KIAA1549L: variants seen among roughly 807,000 people sequenced by gnomAD.
KIAA1549L encodes KIAA1549 like, also known as UPF0606 protein KIAA1549L.
Under a neutral mutation model 160.7 loss-of-function variants are expected in KIAA1549L, and 88 were observed. The ratio of observed to expected loss-of-function variants is 0.55; its 90% CI spans 0.46 to 0.65. The LOEUF is 0.65. KIAA1549L is among the 30% of genes least tolerant of loss of function. The pLI is 0.00. For synonymous variants in KIAA1549L, 950 were observed against 976.7 expected, an observed-to-expected ratio of 0.97 and a Z score of 0.51; for missense variants, 2,258 against 2,437.5, an observed-to-expected ratio of 0.93 and a Z score of 1.55.
At chr11:33,630,505 G>T (rs895280246) in intron 16 of KIAA1549L, among the ~76,000 whole-genome samples, 1 of 152,238 alleles carries the variant, frequency 6.6e-6, no homozygotes, top group Admixed American at 6.5e-5. Context: ...TAAGCCTGTC[G>T]GAAAAGCGCA....
Position 33,668,142 on chromosome 11 carries a change from G to A in KIAA1549L, c.6429G>A (p.Glu2143=), listed in dbSNP as rs1222902380. Residue 2143 remains glutamate, a synonymous_variant, in exon 21 of 21, where the codon GAG becomes GAA. Transcript: ENST00000658780. ...KLAKKQTDMF[E]FQV Reference sequence around the variant, plus strand: ...CCAAAAAACAGACAGACATGTTTGAGTTCCAGGTCTAACGCCTTAGCCCCG... The same window carrying A: ...CCAAAAAACAGACAGACATGTTTGAATTCCAGGTCTAACGCCTTAGCCCCG... 1.2e-6 allele frequency: 2 copies of A among 1,613,400 alleles called. No homozygotes were observed. Among genetic ancestry groups the A allele is most frequent in the South Asian group, 2.2e-5 (2 of 90,858 alleles).
intron 1 of KIAA1549L, among the ~76,000 whole-genome samples, chr11:33,464,235 C>T (rs906947666): frequency 3.3e-5 from 5 of 152,194 alleles, no homozygotes; most frequent in African/African-American, 9.7e-5. Flanking sequence ...CCAAAGTCCT[C>T]GTTCTATGTC....
chr11:33,435,822 ATATATATATGTATATG>A (rs1851363093), intron 1 of KIAA1549L, among the ~76,000 whole-genome samples: 1 of 59,356 alleles, frequency 1.7e-5, no homozygotes, highest in African/African-American at 9.0e-5. Flanking sequence ...GTGTGTGTAT[ATATATATATGTATATG>A]TATATGTGTG....
chr11:33,530,675 A>G (rs943806628), intron 1 of KIAA1549L, among the ~76,000 whole-genome samples: 11 of 151,718 alleles, frequency 7.3e-5, no homozygotes, highest in Middle Eastern at 3.4e-3. Context: ...CAAACAAGTG[A>G]CCTTCTGTGT....
chr11:33,571,802 G>T (rs1448578451), intron 9 of KIAA1549L, among the ~76,000 whole-genome samples: 1 of 152,060 alleles, frequency 6.6e-6, no homozygotes, highest in East Asian at 1.9e-4. Flanking sequence ...ACTATATCAT[G>T]ATCTTATCAA....
intron 1 of KIAA1549L, among the ~76,000 whole-genome samples, chr11:33,383,893 A>C (rs1017102800): frequency 6.6e-6 from 1 of 152,246 alleles, no homozygotes; most frequent in African/African-American, 2.4e-5. Context: ...CAATTAGTTC[A>C]GATTTCTAAA....
intron 1 of KIAA1549L, among the ~76,000 whole-genome samples, chr11:33,413,950 A>T (rs1183542901): frequency 6.6e-6 from 1 of 152,186 alleles, no homozygotes; most frequent in Non-Finnish European, 1.5e-5. Context: ...CAGGGATCTG[A>T]CAAAGGATTT....
intron 12 of KIAA1549L, 112 bp downstream of exon 12, chr11:33,591,533 A>T (rs1407515327): frequency 6.0e-6 from 5 of 831,562 alleles, no homozygotes; most frequent in Non-Finnish European, 9.4e-6. Flanking sequence ...ATTCCCCTTC[A>T]TGCTCATTTT....
intron 1 of KIAA1549L, among the ~76,000 whole-genome samples, chr11:33,485,540 A>G (rs530720484): frequency 1.3e-5 from 2 of 152,278 alleles, no homozygotes; most frequent in African/African-American, 2.4e-5. Context: ...AACCTGTTAT[A>G]TATTTATGGT....
chr11:33,601,069 T>A (rs937419304), intron 13 of KIAA1549L, among the ~76,000 whole-genome samples: 3 of 152,138 alleles, frequency 2.0e-5, no homozygotes, highest in African/African-American at 7.2e-5. Flanking sequence ...AATATAAGGC[T>A]TAGAAATAAA....
rs1564954155 is a variant in KIAA1549L at position 33,670,939 on chromosome 11, T to G, written c.*2785T>G. The G allele has an allele frequency of 6.6e-6, 1 of 152,212 alleles. No individual in the cohort carries two copies. The highest frequency in any genetic ancestry group is 1.5e-5 in the Non-Finnish European group (1 of 68,040). 9.4% of individuals were successfully genotyped at this position (152,212 alleles called of 1,614,324 possible). The stretch of plus-strand genomic sequence containing the variant: ...CCTGCTTGCTTTCCATCTCGCCATG[T>G]GGCCTGCAGGCTTGTCAGTAACACA... On this transcript the variant is annotated 3_prime_UTR_variant, in exon 21 of 21. Transcript: ENST00000658780.
At chr11:33,559,935 G>T (rs760407126) in intron 7 of KIAA1549L, 24 bp downstream of exon 7, 7 of 1,607,598 alleles carry the variant, frequency 4.4e-6, no homozygotes, top group African/African-American at 1.3e-5. Context: ...TGCCTATGGG[G>T]ACCCCAGTGT....
intron 1 of KIAA1549L, among the ~76,000 whole-genome samples, chr11:33,433,854 C>A (rs1851301628): frequency 6.6e-6 from 1 of 152,076 alleles, no homozygotes; most frequent in African/African-American, 2.4e-5. Context: ...AACCAAACAC[C>A]ACATGTTCTC....
In KIAA1549L at chr11:33,397,710, TCACACACACACACA is replaced by T. The variant is rs71034679; in HGVS notation, c.238+20854_238+20867del. ...CTGGGCGACAGAGCGAGACTCCATC[TCACACACACACACA>T]CACACACACACACACACACACACAC... On this transcript the variant is annotated intron_variant, in intron 1 of 20. Coordinates refer to ENST00000658780, the MANE Select transcript of KIAA1549L (RefSeq NM_012194.3). Among the ~76,000 whole-genome samples the T allele has an allele frequency of 7.1e-3, 1,010 of 143,016 alleles. 10 individuals are homozygous for T. Among genetic ancestry groups the T allele is most frequent in the African/African-American group, 0.017 (644 of 38,000 alleles). 93.8% of individuals were successfully genotyped at this position (143,016 alleles called of 152,430 possible). A position where few individuals can be genotyped will look rare whatever the true frequency, so the allele number is the denominator to read the frequency against.
chr11:33,568,127 C>A lies in KIAA1549L; in HGVS notation c.4130C>A (p.Ala1377Asp), dbSNP rs1164923432. Residue 1377 changes from alanine to aspartate, a missense_variant, in exon 9 of 21, where the codon GCC (alanine) becomes GAC (aspartate). By Grantham distance (126) the Ala-to-Asp change is moderately radical (BLOSUM62 -2). Coordinates refer to ENST00000658780, the MANE Select transcript of KIAA1549L (RefSeq NM_012194.3). ...SLVGLHNQSF[A>D]RVMEQRLAQL... The stretch of plus-strand genomic sequence containing the variant: ...GTGGGCCTGCACAACCAGAGCTTTG[C>A]CCGGGTCATGGAGCAGCGCCTGGCC... The A allele has an allele frequency of 5.6e-6, 9 of 1,612,722 alleles. No homozygotes were observed. In the Admixed American group the frequency reaches 1.5e-4, roughly 27 times the overall value.
intron 1 of KIAA1549L, among the ~76,000 whole-genome samples, chr11:33,435,818 G>GTGTGTGTGTGTGTGTA (rs1554976830): frequency 2.2e-4 from 10 of 45,318 alleles, no homozygotes; most frequent in African/African-American, 2.6e-4. Context: ...ATATGTGTGT[G>GTGTGTGTGTGTGTGTA]TATATATATA....
chr11:33,562,577 C>T (rs1171292907), intron 8 of KIAA1549L, among the ~76,000 whole-genome samples: 2 of 152,144 alleles, frequency 1.3e-5, no homozygotes, highest in African/African-American at 4.8e-5. Flanking sequence ...CTTCACATGC[C>T]CTTCCCTCTG....
At chr11:33,597,571 G>C (rs1035021054) in intron 12 of KIAA1549L, among the ~76,000 whole-genome samples, 1 of 152,180 alleles carries the variant, frequency 6.6e-6, no homozygotes, top group Non-Finnish European at 1.5e-5. Flanking sequence ...CTAGATACCT[G>C]CCTCCCGCTT....
At chr11:33,530,857 T>G (rs1393116359) in intron 1 of KIAA1549L, among the ~76,000 whole-genome samples, 1 of 152,180 alleles carries the variant, frequency 6.6e-6, no homozygotes, top group Non-Finnish European at 1.5e-5. Flanking sequence ...GGAGATAATA[T>G]GCAACCTTAT....
Sources: gnomAD v4.1 joint callset for allele counts (sites outside exome capture counted in the v4.1 genomes callset) on GRCh38, gnomAD v4.1.1 for gene constraint, MANE v1.5 for transcripts, NCBI Gene and HGNC (gene_info 2026-07-23, HGNC 2026-07-21) for gene names.